Variants in JPH1 observed in about 807,000 individuals in gnomAD.
JPH1 encodes junctophilin-1.
Under a neutral mutation model 53.6 loss-of-function variants are expected in JPH1, and 12 were observed. That is an observed-to-expected ratio of 0.22 (90% CI 0.14 to 0.36). The LOEUF is 0.36. Ranked by LOEUF, JPH1 falls within the 10% of genes least tolerant of loss-of-function variation. JPH1 has a pLI of 1.00. For synonymous variants in JPH1, 375 were observed against 363.8 expected, an observed-to-expected ratio of 1.03 and a Z score of -0.35; for missense variants, 808 against 905.5, an observed-to-expected ratio of 0.89 and a Z score of 1.38.
At chr8:74,304,281 G>A (rs1807770774) in intron 2 of JPH1, among the ~76,000 whole-genome samples, 1 of 152,214 alleles carries the variant, frequency 6.6e-6, no homozygotes, top group Non-Finnish European at 1.5e-5. Context: ...AATGATTAAA[G>A]TTGGTATTTC....
rs917475892 is a variant in JPH1 at position 74,311,986 on chromosome 8, C to T, written c.1139+2875G>A. Among the ~76,000 whole-genome samples the T allele has an allele frequency of 3.9e-5, 6 of 152,090 alleles. No individual in the cohort carries two copies. The South Asian group carries it at 6.2e-4, about 16-fold the overall frequency. ...AATAATTTTTAAGGGTTTTAAAAGA[C>T]TGTAGAACTCTAAAATCAGAGCTAT... On this transcript the variant is annotated intron_variant, in intron 2 of 5. Coordinates refer to ENST00000342232, the MANE Select transcript of JPH1 (RefSeq NM_020647.4).
chr8:74,280,524 T>A (rs931689102), intron 2 of JPH1, among the ~76,000 whole-genome samples: 3 of 151,902 alleles, frequency 2.0e-5, no homozygotes, highest in Non-Finnish European at 4.4e-5. Flanking sequence ...TTATTAGTGA[T>A]GAAATGAATG....
chr8:74,246,567 C>T (rs1805868499), intron 3 of JPH1, among the ~76,000 whole-genome samples: 1 of 150,258 alleles, frequency 6.7e-6, no homozygotes, highest in Admixed American at 6.7e-5. Context: ...GTTATTATCC[C>T]CATTTTACTG....
chr8:74,291,003 T>C (rs1183766948), intron 2 of JPH1, among the ~76,000 whole-genome samples: 1 of 152,184 alleles, frequency 6.6e-6, no homozygotes, highest in African/African-American at 2.4e-5. Flanking sequence ...AAGACTTACA[T>C]GTTAGACCTA....
chr8:74,271,940 TAAG>T (rs750165748), intron 2 of JPH1, among the ~76,000 whole-genome samples: 4 of 152,068 alleles, frequency 2.6e-5, no homozygotes, highest in East Asian at 1.9e-4. Context: ...TTCCACAGAA[TAAG>T]AAGGAGAGTT....
chr8:74,300,301 A>G (rs1009788712), intron 2 of JPH1, among the ~76,000 whole-genome samples: 3 of 152,222 alleles, frequency 2.0e-5, no homozygotes, highest in Admixed American at 6.5e-5. Flanking sequence ...GTGGCAGAGC[A>G]CTAATAAACA....
Position 74,315,519 on chromosome 8 carries a change from T to C in JPH1, c.481A>G (p.Thr161Ala). The C allele has an allele frequency of 6.2e-7, 1 of 1,604,990 alleles. No individual in the cohort carries two copies. Among genetic ancestry groups the C allele is most frequent in the South Asian group, 1.1e-5 (1 of 90,646 alleles). The change falls in exon 2 of 6, where the codon ACC becomes GCC. Residue 161 changes from threonine to alanine, a missense_variant. Coordinates refer to ENST00000342232, the MANE Select transcript of JPH1 (RefSeq NM_020647.4). The surrounding 1 kb of genome is among the most constrained non-coding windows in gnomAD (Gnocchi z 6.3). ...TCGCTGCGCAGCGAGGCCAGCGAGG[T>C]ACGCAGCGGTGAGCGGATCACCGTG... ...MATVIRSPLR[T>A]SLASLRSEQS...
intron 2 of JPH1, among the ~76,000 whole-genome samples, chr8:74,297,158 C>T (rs182761387): frequency 6.6e-6 from 1 of 152,288 alleles, no homozygotes; most frequent in African/African-American, 2.4e-5. Context: ...TCAGACTGCC[C>T]AACAGAGACT....
chr8:74,292,633 C>T (rs187448121), intron 2 of JPH1, among the ~76,000 whole-genome samples: 128 of 146,134 alleles, frequency 8.8e-4, no homozygotes, highest in African/African-American at 3.0e-3. Flanking sequence ...TTAACACAGA[C>T]GTTTCACACT....
rs1259593123 is a variant in JPH1 at position 74,244,815 on chromosome 8, T to A, written c.1619A>T (p.Asn540Ile). ...SKYSGRHHIP[N>I]PSNGELHSQY... is the part of the protein sequence containing the mutation. ...AGAATGCAGCTCCCCGTTACTGGGG[T>A]TGGGGATGTGGTGGCGGCCAGAGTA... is the stretch of plus-strand genomic sequence containing the variant. The change falls in exon 4 of 6, where the codon AAC becomes ATC. Residue 540 changes from asparagine to isoleucine, a missense_variant. Around this residue, in one of 2 missense-constraint regions of JPH1, gnomAD observed 756 missense variants for 811.9 expected, o/e 0.93. Transcript: ENST00000342232. 5.0e-6 allele frequency: 8 copies of A among 1,613,792 alleles called. No homozygotes were observed. The highest frequency in any genetic ancestry group is 6.8e-6 in the Non-Finnish European group (8 of 1,179,990).
intron 2 of JPH1, among the ~76,000 whole-genome samples, chr8:74,310,647 C>T (rs762909635): frequency 5.3e-5 from 8 of 152,134 alleles, no homozygotes; most frequent in Admixed American, 2.6e-4. Flanking sequence ...ACACAACTCC[C>T]TCTTCAGAGA....
intron 2 of JPH1, among the ~76,000 whole-genome samples, chr8:74,294,658 A>T (rs955673731): frequency 1.3e-5 from 2 of 152,200 alleles, no homozygotes; most frequent in Non-Finnish European, 2.9e-5. Flanking sequence ...TCTTGGTTAT[A>T]AATTTCCTGA....
At chr8:74,264,072 C>T (rs1013439899) in intron 2 of JPH1, among the ~76,000 whole-genome samples, 1 of 152,192 alleles carries the variant, frequency 6.6e-6, no homozygotes, top group Non-Finnish European at 1.5e-5. Context: ...TCTGATAAGA[C>T]AGACTCCTCT....
chr8:74,242,439 TG>T (rs1201590776), intron 4 of JPH1, among the ~76,000 whole-genome samples: 1 of 152,218 alleles, frequency 6.6e-6, no homozygotes, highest in African/African-American at 2.4e-5. Flanking sequence ...GTCACACAGC[TG>T]GTAAGCAACA....
intron 2 of JPH1, among the ~76,000 whole-genome samples, chr8:74,285,570 T>C (rs1477535968): frequency 1.3e-5 from 2 of 152,210 alleles, no homozygotes; most frequent in East Asian, 3.8e-4. Flanking sequence ...TGTCAAAACT[T>C]GACAGTAACA....
chr8:74,279,310 C>T (rs967982185), intron 2 of JPH1, among the ~76,000 whole-genome samples: 2 of 152,186 alleles, frequency 1.3e-5, no homozygotes, highest in African/African-American at 4.8e-5. Context: ...TTACCTAATG[C>T]TAGGCTTAAG....
At chr8:74,308,770 T>C (rs1356790427) in intron 2 of JPH1, among the ~76,000 whole-genome samples, 2 of 152,152 alleles carry the variant, frequency 1.3e-5, no homozygotes, top group East Asian at 1.9e-4. Flanking sequence ...TGAAGGAACC[T>C]AGGCTTAAAG....
rs563245256 is a variant in JPH1, at chr8:74,315,353, G to T, written c.647C>A (p.Ser216Tyr). 12 of 1,613,196 alleles carry T rather than the reference G, an allele frequency of 7.4e-6. No homozygotes were observed. In the East Asian group the frequency reaches 2.5e-4, roughly 33 times the overall value. ...KKKGGLFRRG[S>Y]LLGSMKLRKS... is the part of the protein sequence containing the mutation. ...GCGAAGTTTCATGCTTCCAAGAAGG[G>T]AGCCCCTCCGGAAGAGGCCGCCCTT... Residue 216 changes from serine to tyrosine, a missense_variant, in exon 2 of 6, where the codon TCC (serine) becomes TAC (tyrosine). This residue lies in a region of JPH1 where 756 missense variants were observed against 811.9 expected (regional missense o/e 0.93). Coordinates refer to ENST00000342232, the MANE Select transcript of JPH1 (RefSeq NM_020647.4). This position sits in a 1 kb window ranked among gnomAD's most constrained non-coding sequence, Gnocchi z 6.3.
rs1486249954 is a variant in JPH1 at position 74,244,918 on chromosome 8, C to T, written c.1516G>A (p.Val506Met). Residue 506 changes from valine (V) to methionine (M), a missense_variant, in exon 4 of 6, where the codon GTG (valine) becomes ATG (methionine). Physicochemically the swap from Val to Met is conservative, Grantham distance 21 (BLOSUM62 1). Coordinates refer to ENST00000342232, the MANE Select transcript of JPH1 (RefSeq NM_020647.4). Reference sequence around the variant, plus strand: ...AAGGGCTTATTGACAATGGCCGTCACCTGCTCATCAGCCACACTCCTTTTG... The same window carrying T: ...AAGGGCTTATTGACAATGGCCGTCATCTGCTCATCAGCCACACTCCTTTTG... The part of the protein sequence containing the change: ...QDKRSVADEQ[V>M]TAIVNKPLMS... 1.2e-6 allele frequency: 2 copies of T among 1,614,156 alleles called. No individual in the cohort carries two copies. The highest frequency in any genetic ancestry group is 2.2e-5 in the South Asian group (2 of 91,078).
Sources: allele counts gnomAD v4.1 joint callset (sites outside exome capture counted in the v4.1 genomes callset), GRCh38; gene constraint gnomAD v4.1.1; regional missense constraint gnomAD v4.1.1; non-coding constraint Gnocchi (gnomAD v3.1); transcripts MANE v1.5; gene names NCBI Gene and HGNC (gene_info 2026-07-23, HGNC 2026-07-21).